The following TMEM181 variants were observed in gnomAD, a reference collection of about 807,000 sequenced individuals.
The protein encoded by TMEM181 is transmembrane protein 181.
A neutral mutation model predicts 71.9 loss-of-function variants in TMEM181; 39 were observed. The ratio of observed to expected loss-of-function variants is 0.54; its 90% confidence interval spans 0.42 to 0.71. The LOEUF (loss-of-function observed/expected upper bound fraction) is 0.71. Ranked by LOEUF, TMEM181 falls within the 30% of genes least tolerant of loss-of-function variation. TMEM181 has a pLI of 0.00. For synonymous variants in TMEM181, 245 were observed against 228.8 expected (o/e 1.07, Z -0.64); for missense variants, 595 against 583.0 (o/e 1.02, Z -0.21).
chr6:158,553,171 G>A (rs1272244836), intron 1 of TMEM181, among the ~76,000 whole-genome samples: 2 of 144,456 alleles, frequency 1.4e-5, no homozygotes, highest in African/African-American at 2.6e-5. Context: ...CTGGGCGACA[G>A]AGAGGGGTCC....
intron 4 of TMEM181, among the ~76,000 whole-genome samples, chr6:158,584,489 A>G (rs535504166): frequency 2.0e-5 from 3 of 152,280 alleles, no homozygotes; most frequent in Admixed American, 1.3e-4. Flanking sequence ...CTTTCACAAC[A>G]AGGAATTATC....
At chr6:158,610,217 C>T in intron 10 of TMEM181, 1 of 234,284 alleles carries the variant, frequency 4.3e-6, no homozygotes, top group East Asian at 1.0e-4. Flanking sequence ...TCTCCAAATG[C>T]CACAGTCGTG....
intron 6 of TMEM181, among the ~76,000 whole-genome samples, chr6:158,598,718 G>A (rs1401588586): frequency 6.7e-6 from 1 of 150,006 alleles, no homozygotes; most frequent in Non-Finnish European, 1.5e-5. Flanking sequence ...CTGTTGCGTA[G>A]GCTGGAGTGC....
chr6:158,607,315 T>C lies in TMEM181; in HGVS notation c.645T>C (p.Val215=). The C allele has an allele frequency of 6.2e-7, 1 of 1,614,190 alleles. No individual in the cohort carries two copies. Among genetic ancestry groups the C allele is most frequent in the South Asian group, 1.1e-5 (1 of 91,084 alleles). ...DWGIEQKWMS[V]LLPLLLLYND... ...GCATCGAGCAGAAGTGGATGTCTGTTCTCCTGCCTCTGCTGCTACTTTACA... is the reference window on the plus strand; with the variant it reads ...GCATCGAGCAGAAGTGGATGTCTGTCCTCCTGCCTCTGCTGCTACTTTACA... Residue 215 remains valine (V), a synonymous_variant, in exon 8 of 17, where the codon GTT becomes GTC. Transcript: ENST00000684151.
At chr6:158,585,214 G>T in intron 4 of TMEM181, 90 bp from the exon 5 acceptor site, 1 of 1,413,842 alleles carries the variant, frequency 7.1e-7, no homozygotes, top group Non-Finnish European at 9.4e-7. Flanking sequence ...CGTTTTCCTG[G>T]CTCCAAGGTC....
chr6:158,564,423 C>T (rs1465315595), intron 1 of TMEM181, among the ~76,000 whole-genome samples: 2 of 152,208 alleles, frequency 1.3e-5, no homozygotes, highest in Non-Finnish European at 2.9e-5. Flanking sequence ...AGGGAAGCTC[C>T]CAGCCTGGTA....
chr6:158,631,506 G>GGA (rs914859091), intron 16 of TMEM181, 117 bp downstream of exon 16: 1 of 1,148,364 alleles, frequency 8.7e-7, no homozygotes, highest in African/African-American at 1.5e-5. Flanking sequence ...CATTTACCTT[G>GGA]GAGTGTCAAG....
At chr6:158,602,611 A>AAT (rs1784731041) in intron 6 of TMEM181, among the ~76,000 whole-genome samples, 2 of 140,330 alleles carry the variant, frequency 1.4e-5, no homozygotes, top group African/African-American at 2.7e-5. Context: ...GTTTTAATTT[A>AAT]TGTACTTTTT....
intron 6 of TMEM181, among the ~76,000 whole-genome samples, chr6:158,602,698 T>G (rs555350654): frequency 7.2e-5 from 11 of 152,142 alleles, no homozygotes; most frequent in Admixed American, 5.9e-4. Context: ...GACCCTGGCC[T>G]CCTGAGTAGC....
rs755717319 is a variant in TMEM181 at position 158,607,485 on chromosome 6, C to T, written c.673+142C>T. The T allele has an allele frequency of 6.9e-6, 5 of 721,672 alleles. No homozygotes were observed. The Admixed American group carries it at 9.4e-5, about 14-fold the overall frequency. The allele number at this position is 721,672 out of a possible 1,614,324, so 44.7% of individuals were successfully genotyped here. ...TTGAAGCCAGGAGTTTAACACCAGC[C>T]TGGGTAACATAGCAAGACTCTACAA... On this transcript the variant is annotated intron_variant, in intron 8 of 16. Coordinates refer to ENST00000684151, the MANE Select transcript of TMEM181 (RefSeq NM_001376852.1).
intron 10 of TMEM181, among the ~76,000 whole-genome samples, chr6:158,621,991 T>C (rs1163817382): frequency 6.6e-6 from 1 of 152,084 alleles, no homozygotes; most frequent in East Asian, 1.9e-4. Flanking sequence ...CAAGCGCCCC[T>C]CAGAGCCAGC....
chr6:158,579,030 G>A (rs567176000), intron 2 of TMEM181, among the ~76,000 whole-genome samples: 42 of 151,878 alleles, frequency 2.8e-4, no homozygotes, highest in African/African-American at 1.0e-3. Context: ...AGGCTGAGGC[G>A]GGTGAATCAC....
rs1479066034 is a variant in TMEM181 at position 158,633,213 on chromosome 6, G to GGC, written c.*1326_*1327dup. ...TCATGGAAAACGTATTTGGGTAGAA[G>GGC]GCAACTCGTGCTTCCGGAAGGGGTT... On this transcript the variant is annotated 3_prime_UTR_variant, in exon 17 of 17. Transcript: ENST00000684151. The GGC allele has an allele frequency of 6.6e-6, 1 of 152,184 alleles. No homozygotes were observed. The highest frequency in any genetic ancestry group is 1.5e-5 in the Non-Finnish European group (1 of 68,024). The allele number at this position is 152,184 out of a possible 1,614,324, so 9.4% of individuals were successfully genotyped here.
In TMEM181 at chr6:158,608,727, T is replaced by C; in HGVS notation, c.873T>C (p.Ser291=). The C allele has an allele frequency of 6.2e-7, 1 of 1,613,526 alleles. No homozygotes were observed. The change falls in exon 10 of 17, where the codon TCT becomes TCC. Residue 291 remains serine, a synonymous_variant. Transcript: ENST00000684151. ...TTGTTGGACTATTGTGGTTGGCTTC[T>C]GTTACGCTAGGAATATGGCAAACGT... ...FFIVGLLWLA[S]VTLGIWQTVN...
In TMEM181 at chr6:158,608,469, C is replaced by T. The variant is rs780814916; in HGVS notation, c.804+6C>T. 8 of 1,614,152 alleles carry T rather than the reference C, an allele frequency of 5.0e-6. No individual in the cohort carries two copies. The South Asian group carries it at 7.7e-5, about 16-fold the overall frequency. ...ACCACGGGATTCGTGTCCAGGTGAGCCGGAGCCGCCCTCACTGCCGGGGGA... is the reference window on the plus strand; with the variant it reads ...ACCACGGGATTCGTGTCCAGGTGAGTCGGAGCCGCCCTCACTGCCGGGGGA... On this transcript the variant is annotated splice_donor_region_variant and intron_variant, in intron 9 of 16. Transcript: ENST00000684151.
In TMEM181 at chr6:158,585,401, G is replaced by C. The variant is rs537311620; in HGVS notation, c.357G>C (p.Arg119=). The change falls in exon 5 of 17, where the codon CGG becomes CGC. Residue 119 remains arginine, a synonymous_variant. Transcript: ENST00000684151. ...TMYIHNKVHN[R]TRTLTCAGKC... The stretch of plus-strand genomic sequence containing the variant: ...ACATTCATAACAAAGTTCACAACCG[G>C]ACAAGGACCCTCACATGTGCAGGGG... The C allele has an allele frequency of 1.9e-6, 3 of 1,610,864 alleles. No individual in the cohort carries two copies. Among genetic ancestry groups the C allele is most frequent in the East Asian group, 4.5e-5 (2 of 44,700 alleles).
rs1786100014 is a variant in TMEM181, at chr6:158,623,590, G to T, written c.937G>T (p.Asp313Tyr). Residue 313 changes from aspartate (D) to tyrosine (Y), a missense_variant, in exon 11 of 17, where the codon GAT becomes TAT. Asp to Tyr is a radical substitution (Grantham distance 160). Transcript: ENST00000684151. ...LHDPMYQYRV[D>Y]TGNFQGMKVF... ...TGATCCAATGTACCAGTATCGAGTT[G>T]ATACCGGAAATTTTCAGGTAAGGAT... 1.3e-6 allele frequency: 2 copies of T among 1,583,138 alleles called. No individual in the cohort carries two copies. The highest frequency in any genetic ancestry group is 1.3e-5 in the African/African-American group (1 of 74,430).
At chr6:158,559,049 T>A (rs1233605736), upstream of TMEM181, among the ~76,000 whole-genome samples, 1 of 152,170 alleles carries the variant, frequency 6.6e-6, no homozygotes, top group African/African-American at 2.4e-5. Context: ...ACTAATGAGA[T>A]TTTGTGTAAC....
intron 3 of TMEM181, among the ~76,000 whole-genome samples, chr6:158,581,746 T>A (rs1302949616): frequency 9.5e-6 from 1 of 105,248 alleles, no homozygotes; most frequent in Non-Finnish European, 1.8e-5. Flanking sequence ...AGAGTGAGAC[T>A]CTGTCTCAAA....
Sources: gnomAD v4.1 joint callset for allele counts (sites outside exome capture counted in the v4.1 genomes callset) on GRCh38, gnomAD v4.1.1 for gene constraint, MANE v1.5 for transcripts, NCBI Gene and HGNC (gene_info 2026-07-23, HGNC 2026-07-21) for gene names.